PLAGL1: variants seen among roughly 807,000 people sequenced by gnomAD.
The protein encoded by PLAGL1 is zinc finger protein PLAGL1.
A neutral mutation model predicts 4.6 loss-of-function variants in PLAGL1; 1 was observed. That is an observed-to-expected ratio of 0.22 (90% CI 0.08 to 1.03). PLAGL1 has a LOEUF of 1.03. Among genes scored for constraint, PLAGL1 ranks in the 50% least tolerant of loss-of-function variants. PLAGL1 has a pLI of 0.58. For synonymous variants in PLAGL1, 240 were observed against 237.8 expected (o/e 1.01, Z -0.08); for missense variants, 464 against 570.4 (o/e 0.81, Z 1.90).
rs543425966 is a variant in PLAGL1, at chr6:143,958,208, A to T, written c.-325+2261T>A. 6.6e-6 allele frequency among the ~76,000 whole-genome samples: 1 copy of T among 152,268 alleles called. No homozygotes were observed. On this transcript the variant is annotated intron_variant, in intron 6 of 7. Transcript: ENST00000674357. This position sits in a 1 kb window ranked among gnomAD's most constrained non-coding sequence, Gnocchi z 5.1. ...TGTCCCATCTACAGATGAATTGCAGAGAGGAAAAAGTTACATATAATCACT... is the reference window on the plus strand; with the variant it reads ...TGTCCCATCTACAGATGAATTGCAGTGAGGAAAAAGTTACATATAATCACT...
rs536002094 is a variant in PLAGL1 at position 143,985,840 on chromosome 6, A to T, written c.-583-666T>A. Among the ~76,000 whole-genome samples, 117 of 151,008 alleles carry T rather than the reference A, an allele frequency of 7.7e-4. 1 individual carries two copies. The highest frequency in any genetic ancestry group is 2.7e-3 in the African/African-American group (111 of 41,264). On this transcript the variant is annotated intron_variant, in intron 1 of 7. Transcript: ENST00000674357. The surrounding 1 kb of genome is among the most constrained non-coding windows in gnomAD (Gnocchi z 4.4). Reference sequence around the variant, plus strand: ...ACAGATTCCATATTTTCAATATATTACTAACAAGAAACCTCTGAGTGCTTA... The same window carrying T: ...ACAGATTCCATATTTTCAATATATTTCTAACAAGAAACCTCTGAGTGCTTA...
chr6:144,003,997 A>C (rs1793570515), intron 1 of PLAGL1, among the ~76,000 whole-genome samples: 1 of 152,226 alleles, frequency 6.6e-6, no homozygotes, highest in Non-Finnish European at 1.5e-5. Context: ...CTCAAATGTT[A>C]ATCGACAAGA....
chr6:144,028,737 TG>T (rs1796560821), intron 1 of PLAGL1, among the ~76,000 whole-genome samples: 1 of 152,212 alleles, frequency 6.6e-6, no homozygotes, highest in Non-Finnish European at 1.5e-5. Context: ...GTGTAGAGAA[TG>T]TCAAATACTC....
At position 143,942,366 on chromosome 6, in the gene PLAGL1, T is replaced by C; in HGVS notation, c.450A>G (p.Gly150=). 3 of 1,614,112 alleles carry C rather than the reference T, an allele frequency of 1.9e-6. No individual in the cohort carries two copies. The highest frequency in any genetic ancestry group is 2.5e-6 in the Non-Finnish European group (3 of 1,179,998). ...KAHAEEKPPS[G]TKEKKHQCDH... ...CGCACTGGTGCTTCTTTTCCTTGGT[T>C]CCGCTAGGGGGCTTCTCTTCCGCAT... The change falls in exon 8 of 8, where the codon GGA becomes GGG. Residue 150 remains glycine (G), a synonymous_variant. Transcript: ENST00000674357. This position sits in a 1 kb window ranked among gnomAD's most constrained non-coding sequence, Gnocchi z 7.6.
At chr6:144,033,544 G>A (rs1796989739) in intron 1 of PLAGL1, among the ~76,000 whole-genome samples, 1 of 152,210 alleles carries the variant, frequency 6.6e-6, no homozygotes, top group African/African-American at 2.4e-5. Context: ...AGTTCAGAAG[G>A]AAATGAGGAA....
Position 143,970,191 on chromosome 6 carries a change from G to A in PLAGL1, c.-543-1213C>T, listed in dbSNP as rs181264828. On this transcript the variant is annotated intron_variant, in intron 2 of 7. Coordinates refer to ENST00000674357, the MANE Select transcript of PLAGL1 (RefSeq NM_001317162.2). The surrounding 1 kb of genome is among the most constrained non-coding windows in gnomAD (Gnocchi z 5.8). ...CTGTTGTATGTGTTTTTAAAATAACGAAACCATATCAATTTGAATCTTACT... is the reference window on the plus strand; with the variant it reads ...CTGTTGTATGTGTTTTTAAAATAACAAAACCATATCAATTTGAATCTTACT... Among the ~76,000 whole-genome samples the A allele has an allele frequency of 3.9e-5, 6 of 152,216 alleles. No homozygotes were observed. The highest frequency in any genetic ancestry group is 9.6e-5 in the African/African-American group (4 of 41,544).
chr6:143,994,104 A>G lies in PLAGL1; in HGVS notation c.-583-8930T>C, dbSNP rs745466984. Among the ~76,000 whole-genome samples, 3 of 152,118 alleles carry G rather than the reference A, an allele frequency of 2.0e-5. No individual in the cohort carries two copies. The highest frequency in any genetic ancestry group is 4.4e-5 in the Non-Finnish European group (3 of 68,008). The stretch of plus-strand genomic sequence containing the variant: ...AGTACTTCTGAAAATGATGAACAAG[A>G]AGGTAGAATCAGGGCCTAATCAAGA... On this transcript the variant is annotated intron_variant, in intron 1 of 7. Transcript: ENST00000674357. The surrounding 1 kb of genome is among the most constrained non-coding windows in gnomAD (Gnocchi z 4.3).
chr6:143,960,894 T>C lies in PLAGL1; in HGVS notation c.-398-352A>G, dbSNP rs190810542. The stretch of plus-strand genomic sequence containing the variant: ...ACCATAAAACAGGTATGCAAATCTA[T>C]GCAATAACAGAACCTAAAACAAATT... On this transcript the variant is annotated intron_variant, in intron 5 of 7. Coordinates refer to ENST00000674357, the MANE Select transcript of PLAGL1 (RefSeq NM_001317162.2). The surrounding 1 kb of genome is among the most constrained non-coding windows in gnomAD (Gnocchi z 5.7). 36 of 152,318 alleles carry C rather than the reference T, an allele frequency of 2.4e-4. No individual in the cohort carries two copies. Among genetic ancestry groups the C allele is most frequent in the Admixed American group, 1.8e-3 (27 of 15,304 alleles). The allele number at this position is 152,318 out of a possible 1,614,324, so 9.4% of individuals were successfully genotyped here.
Position 143,941,666 on chromosome 6 carries a change from A to T in PLAGL1, c.1150T>A (p.Leu384Met). Residue 384 changes from leucine (L) to methionine (M), a missense_variant, in exon 8 of 8, where the codon TTG (leucine) becomes ATG (methionine). Leu to Met is a conservative substitution (Grantham distance 15). Transcript: ENST00000674357. This position sits in a 1 kb window ranked among gnomAD's most constrained non-coding sequence, Gnocchi z 6.0. Reference sequence around the variant, plus strand: ...GGAGGGGGCAGCTGCCAGAAGCCCAACAGGGGGGACAGGTCCAGAGAGGCA... The same window carrying T: ...GGAGGGGGCAGCTGCCAGAAGCCCATCAGGGGGGACAGGTCCAGAGAGGCA... ...IPASLDLSPLLGFWQLPPPAT... is the reference protein window; with the variant it reads ...IPASLDLSPLMGFWQLPPPAT... The T allele has an allele frequency of 6.2e-7, 1 of 1,614,240 alleles. No homozygotes were observed. Among genetic ancestry groups the T allele is most frequent in the South Asian group, 1.1e-5 (1 of 91,088 alleles).
rs1797236013 is a variant in PLAGL1 at position 144,036,307 on chromosome 6, G to A, written c.-151+28161C>T. 6.6e-6 allele frequency among the ~76,000 whole-genome samples: 1 copy of A among 152,176 alleles called. No individual in the cohort carries two copies. The highest frequency in any genetic ancestry group is 1.5e-5 in the Non-Finnish European group (1 of 68,036). ...ACAAGCCTTATAACACAATCCTGAG[G>A]AAATCAGCTGTGAAATACACAGACT... On this transcript the variant is annotated intron_variant, in intron 1 of 3. Transcript: ENST00000437412. The surrounding 1 kb of genome is among the most constrained non-coding windows in gnomAD (Gnocchi z 5.1).
chr6:143,993,331 AACACAC>A (rs746624620), intron 1 of PLAGL1, among the ~76,000 whole-genome samples: 4,729 of 142,314 alleles, frequency 0.033, 224 homozygotes, highest in African/African-American at 0.1. Flanking sequence ...AACAAAACAA[AACACAC>A]ACACACACAC....
intron 3 of PLAGL1, chr6:143,967,960 T>A (rs1168788190): frequency 2.8e-5 from 2 of 72,132 alleles, no homozygotes; most frequent in East Asian, 3.7e-4. Flanking sequence ...CTGGAATTTT[T>A]AAAAAATACA....
chr6:144,034,743 C>T lies in PLAGL1; in HGVS notation c.-151+29725G>A, dbSNP rs1797096765. 6.6e-6 allele frequency among the ~76,000 whole-genome samples: 1 copy of T among 152,002 alleles called. No homozygotes were observed. Among genetic ancestry groups the T allele is most frequent in the Admixed American group, 6.6e-5 (1 of 15,246 alleles). ...TTTTAAGATTGAAAAAAAAAATCTTCCTTGGAGGGGACTGTCATCTTACAT... is the reference window on the plus strand; with the variant it reads ...TTTTAAGATTGAAAAAAAAAATCTTTCTTGGAGGGGACTGTCATCTTACAT... On this transcript the variant is annotated intron_variant, in intron 1 of 3. Transcript: ENST00000437412. The surrounding 1 kb of genome is among the most constrained non-coding windows in gnomAD (Gnocchi z 4.7).
At chr6:144,043,129 A>G (rs1797865631) in intron 1 of PLAGL1, among the ~76,000 whole-genome samples, 1 of 152,204 alleles carries the variant, frequency 6.6e-6, no homozygotes, top group African/African-American at 2.4e-5. Context: ...AACAGGGACA[A>G]TTTGACTTCT....
chr6:143,998,528 G>T (rs1792157878), intron 1 of PLAGL1, among the ~76,000 whole-genome samples: 1 of 152,142 alleles, frequency 6.6e-6, no homozygotes, highest in African/African-American at 2.4e-5. Context: ...AATTATAGTA[G>T]GTACTTAGTA....
intron 6 of PLAGL1, among the ~76,000 whole-genome samples, chr6:143,956,349 G>A (rs941162285): frequency 7.9e-5 from 12 of 152,162 alleles, no homozygotes; most frequent in African/African-American, 2.9e-4. Flanking sequence ...GTGGGGGCAT[G>A]GAATTCTCAG....
intron 1 of PLAGL1, among the ~76,000 whole-genome samples, chr6:143,998,583 T>C (rs1294193204): frequency 6.6e-6 from 1 of 152,248 alleles, no homozygotes; most frequent in Admixed American, 6.5e-5. Context: ...AAGTATCATG[T>C]CAGCCACTTG....
In PLAGL1 at chr6:144,059,500, C is replaced by T. The variant is rs1799229947; in HGVS notation, c.-151+4968G>A. On this transcript the variant is annotated intron_variant, in intron 1 of 3. Coordinates refer to the PLAGL1 transcript ENST00000437412. This position sits in a 1 kb window ranked among gnomAD's most constrained non-coding sequence, Gnocchi z 4.9. ...CCTCTCAATTCCCTTTCCTGGGGAC[C>T]CTGTGACCTCCTGCTCTGTAACCTC... Among the ~76,000 whole-genome samples the T allele has an allele frequency of 6.6e-6, 1 of 152,172 alleles. No homozygotes were observed. The highest frequency in any genetic ancestry group is 1.5e-5 in the Non-Finnish European group (1 of 68,032).
rs1317625855 is a variant in PLAGL1, at chr6:144,016,989, G to A, written c.-151+47479C>T. Among the ~76,000 whole-genome samples, 4 of 151,956 alleles carry A rather than the reference G, an allele frequency of 2.6e-5. No homozygotes were observed. The highest frequency in any genetic ancestry group is 1.5e-5 in the Non-Finnish European group (1 of 68,004). ...GAAACCTGACCTAGAGCCTTCTCTT[G>A]GACTCCTAATCCAGTGTTCTTTTAT... On this transcript the variant is annotated intron_variant, in intron 1 of 3. Transcript: ENST00000437412. This position sits in a 1 kb window ranked among gnomAD's most constrained non-coding sequence, Gnocchi z 4.2.
Sources: gnomAD v4.1 joint callset for allele counts (sites outside exome capture counted in the v4.1 genomes callset) on GRCh38, gnomAD v4.1.1 for gene constraint, Gnocchi (gnomAD v3.1) non-coding constraint, MANE v1.5 for transcripts, NCBI Gene and HGNC (gene_info 2026-07-23, HGNC 2026-07-21) for gene names.